CAMK1G: variants seen among roughly 807,000 people sequenced by gnomAD.
CAMK1G encodes the protein calcium/calmodulin-dependent protein kinase type 1G.
A neutral mutation model predicts 54.8 loss-of-function variants in CAMK1G; 27 were observed. The observed-to-expected ratio is 0.49, with a 90% CI of 0.36 to 0.68. The LOEUF is 0.68. CAMK1G is among the 30% of genes least tolerant of loss of function. The probability of loss-of-function intolerance (pLI) is 0.00; values close to 1 mark genes in which losing one functional copy is unlikely to be tolerated. For missense variants in CAMK1G, 512 were observed against 591.0 expected, an observed-to-expected ratio of 0.87 and a Z score of 1.39; for synonymous variants, 238 against 224.9, an observed-to-expected ratio of 1.06 and a Z score of -0.52.
chr1:209,608,284 G>A (rs1350989393), intron 7 of CAMK1G, among the ~76,000 whole-genome samples: 2 of 152,180 alleles, frequency 1.3e-5, no homozygotes, highest in East Asian at 3.9e-4. Context: ...GAGAGGCCAA[G>A]CCAGGCTTGG....
intron 1 of CAMK1G, among the ~76,000 whole-genome samples, chr1:209,592,419 G>T (rs1665280917): frequency 6.6e-6 from 1 of 151,624 alleles, no homozygotes; most frequent in Non-Finnish European, 1.5e-5. Context: ...CACCAGAGAG[G>T]TGCACAGCTG....
chr1:209,590,016 A>G (rs1231971142), intron 1 of CAMK1G, among the ~76,000 whole-genome samples: 3 of 152,230 alleles, frequency 2.0e-5, no homozygotes, highest in Non-Finnish European at 4.4e-5. Flanking sequence ...CTCCTGAGCT[A>G]TCGATGTGAA....
intron 1 of CAMK1G, among the ~76,000 whole-genome samples, chr1:209,588,086 G>A (rs1274582080): frequency 2.0e-5 from 3 of 152,202 alleles, no homozygotes; most frequent in Non-Finnish European, 1.5e-5. Flanking sequence ...CTCTGAGCCT[G>A]CTCACTATGC....
At chr1:209,585,887 G>C (rs1665087071) in intron 1 of CAMK1G, among the ~76,000 whole-genome samples, 1 of 152,276 alleles carries the variant, frequency 6.6e-6, no homozygotes, top group Non-Finnish European at 1.5e-5. Flanking sequence ...AACAGGCTGC[G>C]TGCCTGGCGC....
intron 1 of CAMK1G, among the ~76,000 whole-genome samples, chr1:209,587,101 G>A (rs1665121091): frequency 6.6e-6 from 1 of 152,020 alleles, no homozygotes; most frequent in Non-Finnish European, 1.5e-5. Flanking sequence ...TGGAGTGGGT[G>A]GTCCTTGGAG....
intron 3 of CAMK1G, among the ~76,000 whole-genome samples, chr1:209,600,802 AAAG>A (rs1459974238): frequency 6.6e-6 from 1 of 152,234 alleles, no homozygotes; most frequent in Non-Finnish European, 1.5e-5. Context: ...GACCACTTTC[AAAG>A]AAGATGGACC....
intron 5 of CAMK1G, 97 bp downstream of exon 5, chr1:209,605,771 G>A: frequency 7.8e-7 from 1 of 1,279,890 alleles, no homozygotes; most frequent in Non-Finnish European, 1.1e-6. Flanking sequence ...TAAGAGGGTT[G>A]GACTAGTGAC....
At position 209,606,386 on chromosome 1, in the gene CAMK1G, T is replaced by C; in HGVS notation, c.502T>C (p.Ser168Pro). Residue 168 changes from serine (S) to proline (P), a missense_variant, in exon 6 of 13, where the codon TCC (serine) becomes CCC (proline). Physicochemically the swap from Ser to Pro is moderately conservative, Grantham distance 74. Around this residue, in one of 3 missense-constraint regions of CAMK1G, gnomAD observed 186 missense variants for 231.5 expected, o/e 0.80. Coordinates refer to ENST00000361322, the MANE Select transcript of CAMK1G (RefSeq NM_020439.3). ...GATCATGATCACTGACTTTGGTCTG[T>C]CCAAGATGGAACAGAATGGCATCAT... ...SKIMITDFGLSKMEQNGIMST... is the reference protein window; with the variant it reads ...SKIMITDFGLPKMEQNGIMST... 1 of 1,614,120 alleles carries C rather than the reference T, an allele frequency of 6.2e-7. No individual in the cohort carries two copies. The highest frequency in any genetic ancestry group is 1.3e-5 in the African/African-American group (1 of 75,036).
At chr1:209,589,334 A>T (rs1015929212) in intron 1 of CAMK1G, among the ~76,000 whole-genome samples, 2 of 152,160 alleles carry the variant, frequency 1.3e-5, no homozygotes, top group African/African-American at 2.4e-5. Context: ...TGAAATTATG[A>T]TGACAAGAAA....
Position 209,609,780 on chromosome 1 carries a change from G to C in CAMK1G, c.749-71G>C, listed in dbSNP as rs144647481. 3 of 1,478,314 alleles carry C rather than the reference G, an allele frequency of 2.0e-6. No individual in the cohort carries two copies. In the African/African-American group the frequency reaches 4.2e-5, roughly 20 times the overall value. The allele number at this position is 1,478,314 out of a possible 1,614,324, so 91.6% of individuals were successfully genotyped here. A position where few individuals can be genotyped will look rare whatever the true frequency, so the allele number is the denominator to read the frequency against. On this transcript the variant is annotated intron_variant, in intron 8 of 12. Transcript: ENST00000361322. Reference sequence around the variant, plus strand: ...AAGATGCATTCACTGCCACCCACCAGCCCGGAAGTGAATTTCCATCAGTCA... The same window carrying C: ...AAGATGCATTCACTGCCACCCACCACCCCGGAAGTGAATTTCCATCAGTCA...
chr1:209,593,251 C>A (rs1665300603), intron 1 of CAMK1G, among the ~76,000 whole-genome samples: 1 of 152,210 alleles, frequency 6.6e-6, no homozygotes, highest in South Asian at 2.1e-4. Flanking sequence ...AACAAACTTT[C>A]TTTTTGTTCA....
intron 2 of CAMK1G, 95 bp from the exon 3 acceptor site, chr1:209,599,888 T>C: frequency 1.4e-6 from 2 of 1,460,926 alleles, no homozygotes; most frequent in Non-Finnish European, 9.4e-7. Context: ...CAGAGGACTA[T>C]ATAGACTCTG....
At chr1:209,604,385 G>A (rs775382707) in intron 4 of CAMK1G, among the ~76,000 whole-genome samples, 1 of 152,170 alleles carries the variant, frequency 6.6e-6, no homozygotes, top group Non-Finnish European at 1.5e-5. Context: ...TCCCTGAGGA[G>A]ACACTAAGCC....
Position 209,611,956 on chromosome 1 carries a change from C to A in CAMK1G, c.1080C>A (p.Val360=). Residue 360 remains valine, a synonymous_variant, in exon 11 of 13, where the codon GTC becomes GTA. Transcript: ENST00000361322. ...AGATCACCATCACCGAGGCACCTGT[C>A]CTGGACCACAGTGTAGCACTCCCTG... is the stretch of plus-strand genomic sequence containing the variant. The part of the protein sequence containing the change: ...SPEITITEAP[V]LDHSVALPAL... 2 of 1,614,276 alleles carry A rather than the reference C, an allele frequency of 1.2e-6. No homozygotes were observed. The highest frequency in any genetic ancestry group is 1.7e-6 in the Non-Finnish European group (2 of 1,180,050).
At chr1:209,610,834 C>A (rs1241037964) in intron 9 of CAMK1G, among the ~76,000 whole-genome samples, 3 of 152,142 alleles carry the variant, frequency 2.0e-5, no homozygotes, top group African/African-American at 7.2e-5. Context: ...TTCTCGAGGT[C>A]TATTAGTAGT....
intron 1 of CAMK1G, among the ~76,000 whole-genome samples, chr1:209,593,735 G>A (rs1334194706): frequency 1.0e-5 from 1 of 96,798 alleles, no homozygotes; most frequent in African/African-American, 3.0e-5. Context: ...TCTGGCCCGA[G>A]CCACCATCAT....
At chr1:209,612,968 C>A in intron 12 of CAMK1G, 56 bp downstream of exon 12, 1 of 932,714 alleles carries the variant, frequency 1.1e-6, no homozygotes, top group South Asian at 1.3e-5. Flanking sequence ...GAGGAGAGCC[C>A]CATGCCAGAG....
chr1:209,611,586 T>C lies in CAMK1G; in HGVS notation c.915+34T>C, dbSNP rs184988355. On this transcript the variant is annotated intron_variant, in intron 10 of 12. Coordinates refer to ENST00000361322, the MANE Select transcript of CAMK1G (RefSeq NM_020439.3). ...TCCTCTCCAGGGGGTGGGAAAGCTG[T>C]TCTGGGCCCCTGGAGGCTGGGCTGG... 7.4e-5 allele frequency: 118 copies of C among 1,592,826 alleles called. No individual in the cohort carries two copies. The African/African-American group carries it at 1.4e-3, about 20-fold the overall frequency.
chr1:209,593,736 C>T lies in CAMK1G; in HGVS notation c.-29-1219C>T, dbSNP rs1325381316. ...CTCCTTCACTCCCATCTGGCCCGAG[C>T]CACCATCATCTCTCTCTTCACATCT... On this transcript the variant is annotated intron_variant, in intron 1 of 12. Coordinates refer to ENST00000361322, the MANE Select transcript of CAMK1G (RefSeq NM_020439.3). 4.1e-5 allele frequency among the ~76,000 whole-genome samples: 4 copies of T among 96,726 alleles called. No individual in the cohort carries two copies. The East Asian group carries it at 8.5e-4, about 21-fold the overall frequency. 63.5% of individuals were successfully genotyped at this position (96,726 alleles called of 152,430 possible).
Sources: allele counts gnomAD v4.1 joint callset (sites outside exome capture counted in the v4.1 genomes callset), GRCh38; gene constraint gnomAD v4.1.1; regional missense constraint gnomAD v4.1.1; transcripts MANE v1.5; gene names NCBI Gene and HGNC (gene_info 2026-07-23, HGNC 2026-07-21).